The following SMG5 variants were observed in gnomAD, a reference collection of about 807,000 sequenced individuals.
The protein encoded by SMG5 is SMG5 nonsense mediated mRNA decay factor.
Under a neutral mutation model 122.9 loss-of-function variants are expected in SMG5, and 53 were observed. That is an observed-to-expected ratio of 0.43 (90% confidence interval 0.35 to 0.54). The LOEUF (loss-of-function observed/expected upper bound fraction) is 0.54. SMG5 is among the 20% of genes least tolerant of loss of function. SMG5 has a pLI of 0.01. For missense variants in SMG5, 1,153 were observed against 1,285.6 expected (o/e 0.90, Z 1.58); for synonymous variants, 477 against 490.2 (o/e 0.97, Z 0.35).
Position 156,260,476 on chromosome 1 carries a change from C to T in SMG5, c.2258G>A (p.Arg753Gln), listed in dbSNP as rs756909358. 20 of 1,595,518 alleles carry T rather than the reference C, an allele frequency of 1.3e-5. No homozygotes were observed. The highest frequency in any genetic ancestry group is 1.2e-4 in the South Asian group (11 of 88,310). The change falls in exon 15 of 22, where the codon CGG (arginine) becomes CAG (glutamine). Residue 753 changes from arginine (R) to glutamine (Q), a missense_variant. By Grantham distance (43) the Arg-to-Gln change is conservative (BLOSUM62 1). Coordinates refer to ENST00000361813, the MANE Select transcript of SMG5 (RefSeq NM_015327.3). ...CTCCTCTAAGGTGCTGAGCAGGGGC[C>T]GATCCGTGTCAAAGTTAAAGCGTCT... ...AHRRFNFDTD[R>Q]PLLSTLEESV...
At chr1:156,287,301 A>C (rs1433163575), upstream of SMG5, among the ~76,000 whole-genome samples, 1 of 152,150 alleles carries the variant, frequency 6.6e-6, no homozygotes, top group African/African-American at 2.4e-5. Context: ...CTGTAATCCC[A>C]GCTATTCAGG....
the SMG5 span, chr1:156,291,294 T>C: frequency 8.5e-7 from 1 of 1,178,600 alleles, no homozygotes; most frequent in Non-Finnish European, 1.2e-6. Context: ...TGCATCTGCC[T>C]CCCCTATCTA....
chr1:156,271,732 A>C (rs1662445524), intron 7 of SMG5, among the ~76,000 whole-genome samples: 2 of 126,274 alleles, frequency 1.6e-5, no homozygotes, highest in Admixed American at 1.8e-4. Context: ...AGCTAGGATT[A>C]GAGGCGCTCA....
At chr1:156,253,335 G>A in intron 17 of SMG5, 114 bp downstream of exon 17, 2 of 1,130,306 alleles carry the variant, frequency 1.8e-6, no homozygotes, top group Non-Finnish European at 2.7e-6. Flanking sequence ...AGAGGCGGAG[G>A]GACACAGAGG....
chr1:156,266,557 G>C lies in SMG5; in HGVS notation c.1239C>G (p.Phe413Leu). ...LEEGENPVPA[F>L]QSDGTDEPES... ...TTCTCCCACCTGTGCCATCACTCTG[G>C]AATGCCGGGACGGGATTCTCGCCCT... is the stretch of plus-strand genomic sequence containing the variant. The change falls in exon 11 of 22, where the codon TTC (phenylalanine) becomes TTG (leucine). Residue 413 changes from phenylalanine to leucine, a missense_variant. Phe to Leu is a conservative substitution (Grantham distance 22, BLOSUM62 0). This residue lies in a region of SMG5 where 631 missense variants were observed against 650.6 expected (regional missense o/e 0.97). Coordinates refer to ENST00000361813, the MANE Select transcript of SMG5 (RefSeq NM_015327.3). The C allele has an allele frequency of 6.2e-7, 1 of 1,614,110 alleles. No individual in the cohort carries two copies. Among genetic ancestry groups the C allele is most frequent in the Non-Finnish European group, 8.5e-7 (1 of 1,180,042 alleles).
At chr1:156,253,683 C>T in intron 16 of SMG5, 175 bp from the exon 17 acceptor site, 1 of 646,428 alleles carries the variant, frequency 1.5e-6, no homozygotes, top group Non-Finnish European at 2.8e-6. Flanking sequence ...TCTTCCACTG[C>T]ACTCTGAACA....
Position 156,266,256 on chromosome 1 carries a change from G to A in SMG5, c.1380C>T (p.Arg460=). The A allele has an allele frequency of 6.2e-7, 1 of 1,614,232 alleles. No homozygotes were observed. Among genetic ancestry groups the A allele is most frequent in the African/African-American group, 1.3e-5 (1 of 75,050 alleles). The change falls in exon 12 of 22, where the codon CGC becomes CGT. Residue 460 remains arginine (R), a synonymous_variant. Coordinates refer to ENST00000361813, the MANE Select transcript of SMG5 (RefSeq NM_015327.3). The part of the protein sequence containing the change: ...SRKFSRLSCL[R]RRRHPPKVGD... ...CAACTTTGGGTGGGTGGCGGCGACG[G>A]CGGAGACAGGAGAGGCGAGAGAACT...
intron 2 of SMG5, 136 bp from the exon 3 acceptor site, chr1:156,278,184 A>G (rs1662770130): frequency 1.8e-6 from 2 of 1,085,200 alleles, no homozygotes; most frequent in Admixed American, 2.6e-5. Context: ...CAGGGTCAAT[A>G]TGACCCAGCA....
chr1:156,266,779 A>C, intron 10 of SMG5, 101 bp from the exon 11 acceptor site: 1 of 1,256,752 alleles, frequency 8.0e-7, no homozygotes, highest in Non-Finnish European at 1.1e-6. Flanking sequence ...TCTTCCAAGG[A>C]TCCAACTACT....
intron 4 of SMG5, among the ~76,000 whole-genome samples, chr1:156,276,458 C>T (rs1466079349): frequency 2.0e-5 from 3 of 152,180 alleles, no homozygotes; most frequent in Non-Finnish European, 2.9e-5. Flanking sequence ...AACACAGGTG[C>T]TCTGCTTCTG....
upstream of SMG5, chr1:156,286,502 G>A: frequency 1.9e-6 from 3 of 1,607,962 alleles, no homozygotes; most frequent in Non-Finnish European, 2.6e-6. Context: ...TGGGGCATGG[G>A]AGAGGGGATG....
At chr1:156,271,984 A>C (rs1662458600) in intron 7 of SMG5, among the ~76,000 whole-genome samples, 1 of 152,202 alleles carries the variant, frequency 6.6e-6, no homozygotes, top group Non-Finnish European at 1.5e-5. Flanking sequence ...TTACCACATT[A>C]ACACACTCCA....
chr1:156,263,454 C>T lies in SMG5; in HGVS notation c.1972G>A (p.Val658Met). Residue 658 changes from valine to methionine, a missense_variant, in exon 13 of 22, where the codon GTG (valine) becomes ATG (methionine). Val to Met is a conservative substitution (Grantham distance 21, BLOSUM62 1). Coordinates refer to ENST00000361813, the MANE Select transcript of SMG5 (RefSeq NM_015327.3). ...VLMAEGLLPA[V>M]KVFLDWLRTN... is the part of the protein sequence containing the mutation. ...CGAAGCCAGTCCAGGAAGACTTTCA[C>T]AGCAGGAAGCAGACCTTCGGCCATC... 9 of 1,614,260 alleles carry T rather than the reference C, an allele frequency of 5.6e-6. No homozygotes were observed. Among genetic ancestry groups the T allele is most frequent in the Non-Finnish European group, 7.6e-6 (9 of 1,180,058 alleles).
chr1:156,278,094 G>A, intron 2 of SMG5, 46 bp from the exon 3 acceptor site: 1 of 1,608,992 alleles, frequency 6.2e-7, no homozygotes, highest in African/African-American at 1.3e-5. Context: ...ATCCCTTGGA[G>A]CAGGGACATA....
chr1:156,269,973 G>A (rs1218564375), intron 7 of SMG5, among the ~76,000 whole-genome samples: 1 of 152,214 alleles, frequency 6.6e-6, no homozygotes, highest in East Asian at 1.9e-4. Flanking sequence ...CCAGGAGGTG[G>A]AGGTTGCAGT....
chr1:156,255,336 C>T (rs962907113), intron 16 of SMG5, among the ~76,000 whole-genome samples: 7 of 150,342 alleles, frequency 4.7e-5, no homozygotes, highest in African/African-American at 1.7e-4. Context: ...GTCAGGAGTT[C>T]GAGACCAGCC....
rs748708587 is a variant in SMG5, at chr1:156,260,466, G to A, written c.2268C>T (p.Leu756=). 11 of 1,597,474 alleles carry A rather than the reference G, an allele frequency of 6.9e-6. No individual in the cohort carries two copies. The East Asian group carries it at 9.2e-5, about 13-fold the overall frequency. The part of the protein sequence containing the change: ...RFNFDTDRPL[L]STLEESVVRI... ...CTATCCTTACCTCCTCTAAGGTGCT[G>A]AGCAGGGGCCGATCCGTGTCAAAGT... is the stretch of plus-strand genomic sequence containing the variant. The change falls in exon 15 of 22, where the codon CTC becomes CTT. Residue 756 remains leucine, a synonymous_variant. Coordinates refer to ENST00000361813, the MANE Select transcript of SMG5 (RefSeq NM_015327.3).
At chr1:156,251,518 C>G in intron 19 of SMG5, 41 bp from the exon 20 acceptor site, 8 of 1,603,284 alleles carry the variant, frequency 5.0e-6, no homozygotes, top group Non-Finnish European at 6.8e-6. Context: ...GAGCAGGAGA[C>G]TGGCAGGGTG....
rs1330928325 is a variant in SMG5, at chr1:156,249,893, T to C, written c.*694A>G. The C allele has an allele frequency of 4.2e-6, 2 of 471,204 alleles. No homozygotes were observed. Among genetic ancestry groups the C allele is most frequent in the Non-Finnish European group, 4.4e-6 (1 of 227,058 alleles). 29.2% of individuals were successfully genotyped at this position (471,204 alleles called of 1,614,324 possible). On this transcript the variant is annotated 3_prime_UTR_variant, in exon 22 of 22. Transcript: ENST00000361813. Reference sequence around the variant, plus strand: ...GCAGCCCTAGGTGGGGCCTGCTCCCTGCCCTGGAAGCTAGACAGAGGGAGA... The same window carrying C: ...GCAGCCCTAGGTGGGGCCTGCTCCCCGCCCTGGAAGCTAGACAGAGGGAGA...
Sources: gnomAD v4.1 joint callset for allele counts (sites outside exome capture counted in the v4.1 genomes callset) on GRCh38, gnomAD v4.1.1 for gene constraint, gnomAD v4.1.1 regional missense constraint, MANE v1.5 for transcripts, NCBI Gene and HGNC (gene_info 2026-07-23, HGNC 2026-07-21) for gene names.